Variants in TMEM132D observed in about 807,000 individuals in gnomAD.
The protein encoded by TMEM132D is mature OL transmembrane protein.
A neutral mutation model predicts 62.3 loss-of-function variants in TMEM132D; 21 were observed. The ratio of observed to expected loss-of-function variants is 0.34; its 90% CI spans 0.24 to 0.49. The LOEUF (loss-of-function observed/expected upper bound fraction) is 0.49. TMEM132D is among the 20% of genes least tolerant of loss of function. The pLI, the probability that TMEM132D is intolerant of heterozygous loss-of-function variation, is 0.99. For synonymous variants in TMEM132D, 621 were observed against 575.6 expected, an observed-to-expected ratio of 1.08 and a Z score of -1.13; for missense variants, 1,346 against 1,402.8, an observed-to-expected ratio of 0.96 and a Z score of 0.65.
At chr12:129,611,981 G>A (rs1878787348) in intron 2 of TMEM132D, among the ~76,000 whole-genome samples, 1 of 152,120 alleles carries the variant, frequency 6.6e-6, no homozygotes, top group African/African-American at 2.4e-5. Context: ...CGCAGACACT[G>A]GGCCGTGGCC....
chr12:129,587,899 C>T (rs1032341096), intron 2 of TMEM132D, among the ~76,000 whole-genome samples: 5 of 152,156 alleles, frequency 3.3e-5, no homozygotes, highest in East Asian at 3.9e-4. Context: ...CAATTAACCA[C>T]GTTATAGCTC....
intron 3 of TMEM132D, among the ~76,000 whole-genome samples, chr12:129,479,388 G>C (rs1266851185): frequency 6.6e-5 from 10 of 152,066 alleles, no homozygotes; most frequent in Admixed American, 2.0e-4. Flanking sequence ...AACTTCTCTG[G>C]AGAGAGTGTC....
Position 129,141,282 on chromosome 12 carries a change from G to A in TMEM132D, c.1444-56580C>T, listed in dbSNP as rs190460609. ...GAGATGTTTACTGAGCACTTTTTAT[G>A]TCAGGCCCTGTTTTAGACTTTGGGG... On this transcript the variant is annotated intron_variant, in intron 5 of 8. Transcript: ENST00000422113. Among the ~76,000 whole-genome samples the A allele has an allele frequency of 3.0e-4, 46 of 152,236 alleles. No individual in the cohort carries two copies. The East Asian group carries it at 8.7e-3, about 29-fold the overall frequency.
rs1314524580 is a variant in TMEM132D at position 129,105,549 on chromosome 12, T to TA, written c.1444-20848dup. Among the ~76,000 whole-genome samples the TA allele has an allele frequency of 8.4e-4, 71 of 84,278 alleles. 3 individuals carry two copies. The highest frequency in any genetic ancestry group is 6.1e-3 in the Admixed American group (47 of 7,740). The allele number at this position is 84,278 out of a possible 152,430, so 55.3% of individuals were successfully genotyped here. A position where few individuals can be genotyped will look rare whatever the true frequency, so the allele number is the denominator to read the frequency against. ...CCTAATACTTAAAGTATAATAATAA[T>TA]AAAAAAAAAGAAAAAAAAAAGAAAA... On this transcript the variant is annotated intron_variant, in intron 5 of 8. Transcript: ENST00000422113.
At chr12:129,157,387 C>T (rs759603213) in intron 5 of TMEM132D, among the ~76,000 whole-genome samples, 5 of 152,224 alleles carry the variant, frequency 3.3e-5, no homozygotes, top group African/African-American at 4.8e-5. Context: ...AATGCTTGAT[C>T]ATCATACTTG....
chr12:129,163,018 A>G (rs918268426), intron 5 of TMEM132D, among the ~76,000 whole-genome samples: 1 of 152,164 alleles, frequency 6.6e-6, no homozygotes, highest in Non-Finnish European at 1.5e-5. Context: ...AAGGTGCAAC[A>G]GCAGCAGGGA....
chr12:129,693,183 G>A (rs1444547150), intron 2 of TMEM132D, among the ~76,000 whole-genome samples: 4 of 152,146 alleles, frequency 2.6e-5, no homozygotes, highest in Admixed American at 2.0e-4. Flanking sequence ...GGAATGAGGC[G>A]TGACAAGCCC....
At chr12:129,847,732 G>A (rs1873407111) in intron 1 of TMEM132D, among the ~76,000 whole-genome samples, 1 of 152,088 alleles carries the variant, frequency 6.6e-6, no homozygotes, top group Non-Finnish European at 1.5e-5. Flanking sequence ...CTAGTCTCCT[G>A]GCTCAAGCCT....
chr12:129,362,172 C>A (rs981772721), intron 3 of TMEM132D, among the ~76,000 whole-genome samples: 31 of 152,130 alleles, frequency 2.0e-4, no homozygotes, highest in Admixed American at 1.3e-3. Context: ...TTCTAAAGAT[C>A]GGTTCCCAAT....
intron 4 of TMEM132D, among the ~76,000 whole-genome samples, chr12:129,250,479 C>T (rs1880236395): frequency 6.6e-6 from 1 of 152,164 alleles, no homozygotes; most frequent in Non-Finnish European, 1.5e-5. Context: ...ATTTCCTCAA[C>T]AGCGCCAATC....
In TMEM132D at chr12:129,650,765, C is replaced by T. The variant is rs1459144091; in HGVS notation, c.968+49045G>A. On this transcript the variant is annotated intron_variant, in intron 2 of 8. Transcript: ENST00000422113. Reference sequence around the variant, plus strand: ...TCAAGTCTGTTGGCAGTGCAGATTTCCTCTTTTGTGAACTGCCTGTTCATG... The same window carrying T: ...TCAAGTCTGTTGGCAGTGCAGATTTTCTCTTTTGTGAACTGCCTGTTCATG... Among the ~76,000 whole-genome samples, 3 of 152,140 alleles carry T rather than the reference C, an allele frequency of 2.0e-5. No homozygotes were observed. The South Asian group carries it at 6.2e-4, about 32-fold the overall frequency.
intron 4 of TMEM132D, among the ~76,000 whole-genome samples, chr12:129,253,241 A>G (rs1377075514): frequency 5.6e-5 from 6 of 106,570 alleles, no homozygotes; most frequent in Non-Finnish European, 1.1e-4. Context: ...GTGATAATTG[A>G]AAAAAAAAAA....
At chr12:129,799,547 C>T (rs1333174774) in intron 1 of TMEM132D, among the ~76,000 whole-genome samples, 1 of 151,946 alleles carries the variant, frequency 6.6e-6, no homozygotes. Flanking sequence ...GCAGGTTTTC[C>T]TCGTCTCCAC....
chr12:129,253,372 G>A (rs944553703), intron 4 of TMEM132D, among the ~76,000 whole-genome samples: 2 of 152,032 alleles, frequency 1.3e-5, no homozygotes, highest in East Asian at 1.9e-4. Flanking sequence ...CTAGATGTGC[G>A]CACCCCACCC....
At chr12:129,885,323 G>C (rs1185797197) in intron 1 of TMEM132D, among the ~76,000 whole-genome samples, 1 of 152,212 alleles carries the variant, frequency 6.6e-6, no homozygotes, top group Non-Finnish European at 1.5e-5. Context: ...TCTTATGTGA[G>C]TCTAACGTGT....
At chr12:129,099,149 A>G (rs79271419) in intron 5 of TMEM132D, among the ~76,000 whole-genome samples, 2,888 of 152,238 alleles carry the variant, frequency 0.019, 88 homozygotes, top group African/African-American at 0.065. Flanking sequence ...CCTCAAGCCC[A>G]TTGAATTTCT....
chr12:129,752,585 G>A (rs940468502), intron 1 of TMEM132D, among the ~76,000 whole-genome samples: 2 of 152,176 alleles, frequency 1.3e-5, no homozygotes, highest in Non-Finnish European at 2.9e-5. Context: ...TCTATGCTTC[G>A]ATTAGGACTG....
At chr12:129,265,988 C>T (rs1035036146) in intron 4 of TMEM132D, among the ~76,000 whole-genome samples, 5 of 152,112 alleles carry the variant, frequency 3.3e-5, no homozygotes, top group African/African-American at 1.2e-4. Flanking sequence ...CCTGGCTTGG[C>T]ATGTAGTAGG....
chr12:129,795,956 A>G lies in TMEM132D; in HGVS notation c.80-95258T>C, dbSNP rs545385343. Among the ~76,000 whole-genome samples, 6 of 152,266 alleles carry G rather than the reference A, an allele frequency of 3.9e-5. No individual in the cohort carries two copies. In the East Asian group the frequency reaches 1.2e-3, roughly 29 times the overall value. On this transcript the variant is annotated intron_variant, in intron 1 of 8. Transcript: ENST00000422113. ...GCCTGGATTACGTTGGCTTCCTAAAATTCATTAAAATATTTTTTCCTTTTT... is the reference window on the plus strand; with the variant it reads ...GCCTGGATTACGTTGGCTTCCTAAAGTTCATTAAAATATTTTTTCCTTTTT...
Sources: allele counts gnomAD v4.1 joint callset (sites outside exome capture counted in the v4.1 genomes callset), GRCh38; gene constraint gnomAD v4.1.1; transcripts MANE v1.5; gene names NCBI Gene and HGNC (gene_info 2026-07-23, HGNC 2026-07-21).